COL4A5: variants seen among roughly 807,000 people sequenced by gnomAD.
COL4A5 encodes the protein collagen type IV alpha 5 chain, also known as collagen alpha-5(IV) chain.
Under a neutral mutation model 130.2 loss-of-function variants are expected in COL4A5, and 26 were observed. The ratio of observed to expected loss-of-function variants is 0.20; its 90% CI spans 0.15 to 0.28. COL4A5 has a LOEUF of 0.28. COL4A5 is among the 10% of genes least tolerant of loss of function. The pLI, the probability that COL4A5 is intolerant of heterozygous loss-of-function variation, is 1.00. For synonymous variants in COL4A5, 496 were observed against 439.6 expected (o/e 1.13, Z -1.60); for missense variants, 1,131 against 1,344.3 (o/e 0.84, Z 2.48).
At chrX:108,573,714 T>C (rs2147759695) in intron 9 of COL4A5, 60 bp downstream of exon 9, 1 of 774,064 alleles carries the variant, frequency 1.3e-6, no homozygotes, top group East Asian at 3.2e-5. Flanking sequence ...ATTACAACAA[T>C]CCCTCAACCT....
intron 16 of COL4A5, among the ~76,000 whole-genome samples, chrX:108,581,993 C>T (rs1425035051): frequency 9.1e-6 from 1 of 110,474 alleles, no homozygotes; most frequent in Non-Finnish European, 1.9e-5. Context: ...TTATTTCAAG[C>T]AGCTTCAGTA....
chrX:108,585,180 T>G (rs2147785725), intron 18 of COL4A5, among the ~76,000 whole-genome samples: 1 of 112,108 alleles, frequency 8.9e-6, no homozygotes, highest in African/African-American at 3.2e-5. Flanking sequence ...TTGGTTTTTC[T>G]TTGGTTGAAA....
In COL4A5 at chrX:108,440,445, TC is replaced by T; in HGVS notation, c.81+241del. ...TGCTTGCTTCCCTGCAGCTAGCTCCTCCGGGGGCAAGAGCAAAGTCAGAAGT... is the reference window on the plus strand; with the variant it reads ...TGCTTGCTTCCCTGCAGCTAGCTCCTCGGGGGCAAGAGCAAAGTCAGAAGT... On this transcript the variant is annotated intron_variant, in intron 1 of 52. Transcript: ENST00000328300. 8 of 395,458 alleles carry T rather than the reference TC, an allele frequency of 2.0e-5. No homozygotes were observed. The South Asian group carries it at 2.9e-4, about 14-fold the overall frequency. The allele number at this position is 395,458 out of a possible 1,213,427, so 32.6% of individuals were successfully genotyped here.
chrX:108,506,083 T>C (rs2065120728), intron 1 of COL4A5, among the ~76,000 whole-genome samples: 1 of 112,170 alleles, frequency 8.9e-6, no homozygotes, highest in South Asian at 3.7e-4. Context: ...AGTTGACTAA[T>C]GGGAGTGTCC....
chrX:108,457,858 C>T (rs143228664), intron 1 of COL4A5, among the ~76,000 whole-genome samples: 3,401 of 111,608 alleles, frequency 0.03, 120 homozygotes, highest in African/African-American at 0.11. Context: ...TAGCTTTTTC[C>T]TCTTAGCATA....
intron 28 of COL4A5, among the ~76,000 whole-genome samples, chrX:108,604,467 C>A (rs1229046198): frequency 8.9e-6 from 1 of 111,738 alleles, no homozygotes; most frequent in African/African-American, 3.3e-5. Flanking sequence ...CAACAGTGGG[C>A]TTAAAATAGC....
intron 1 of COL4A5, among the ~76,000 whole-genome samples, chrX:108,533,757 G>A (rs1007357793): frequency 2.7e-5 from 3 of 110,907 alleles, no homozygotes; most frequent in African/African-American, 9.8e-5. Context: ...CTTGTTGAAT[G>A]GGAGACAATT....
intron 36 of COL4A5, among the ~76,000 whole-genome samples, chrX:108,648,138 A>C (rs756146107): frequency 2.2e-4 from 25 of 111,382 alleles, no homozygotes; most frequent in Non-Finnish European, 4.5e-4. Context: ...ATTGATTGGA[A>C]TAATTTCAGA....
intron 47 of COL4A5, among the ~76,000 whole-genome samples, chrX:108,685,171 G>A (rs1443763342): frequency 8.9e-6 from 1 of 112,068 alleles, no homozygotes; most frequent in African/African-American, 3.2e-5. Context: ...AAAGCTGGAA[G>A]CATTCCCTTT....
chrX:108,652,788 G>C (rs754881821), intron 36 of COL4A5, among the ~76,000 whole-genome samples: 1 of 112,274 alleles, frequency 8.9e-6, no homozygotes. Flanking sequence ...CTTGAAAGCA[G>C]TTCTAATTTC....
At position 108,526,862 on chromosome X, in the gene COL4A5, G is replaced by A. The variant is rs777885173; in HGVS notation, c.82-12884G>A. Among the ~76,000 whole-genome samples the A allele has an allele frequency of 9.6e-5, 10 of 104,388 alleles. No individual in the cohort carries two copies. The South Asian group carries it at 4.5e-3, about 47-fold the overall frequency. The allele number at this position is 104,388 out of a possible 115,157, so 90.6% of individuals were successfully genotyped here. A position where few individuals can be genotyped will look rare whatever the true frequency, so the allele number is the denominator to read the frequency against. ...GGCTCACTGCAGCCTTAATCTCATA[G>A]GCTCAAGTGATCCTCCCTCCTCAGT... On this transcript the variant is annotated intron_variant, in intron 1 of 52. Coordinates refer to ENST00000328300, the MANE Select transcript of COL4A5 (RefSeq NM_033380.3).
intron 1 of COL4A5, among the ~76,000 whole-genome samples, chrX:108,506,183 A>G (rs748326314): frequency 1.7e-4 from 19 of 111,453 alleles, no homozygotes; most frequent in Non-Finnish European, 3.0e-4. Flanking sequence ...GGTTCATTTT[A>G]TACATTCCTT....
At chrX:108,446,686 G>T (rs1014980856) in intron 1 of COL4A5, among the ~76,000 whole-genome samples, 1 of 111,871 alleles carries the variant, frequency 8.9e-6, no homozygotes, top group African/African-American at 3.2e-5. Context: ...ATTGGGCCAA[G>T]ATTTAAACCA....
rs1411592943 is a variant in COL4A5 at position 108,614,923 on chromosome X, C to T, written c.2408C>T (p.Pro803Leu). ...TTATTTCTTAAAGGTGATGTTGGAC[C>T]AAATGGACAACCTGGACCAATGGGA... ...GLPGPKGDVG[P>L]NGQPGPMGPP... is the part of the protein sequence containing the mutation. The change falls in exon 30 of 53, where the codon CCA (proline) becomes CTA (leucine). Residue 803 changes from proline (P) to leucine (L), a missense_variant. Transcript: ENST00000328300. 8.3e-7 allele frequency: 1 copy of T among 1,206,471 alleles called. No homozygotes were observed. The highest frequency in any genetic ancestry group is 1.1e-6 in the Non-Finnish European group (1 of 891,148).
chrX:108,634,085 C>T (rs73528371), intron 36 of COL4A5, among the ~76,000 whole-genome samples: 11,563 of 110,599 alleles, frequency 0.1, 1,302 homozygotes, highest in African/African-American at 0.34. Flanking sequence ...TGCATCTGTT[C>T]AGTTCCTGCA....
intron 49 of COL4A5, chrX:108,689,230 TAATTA>T: frequency 1.4e-5 from 4 of 284,110 alleles, no homozygotes; most frequent in Non-Finnish European, 1.9e-5. Flanking sequence ...AATATCTAAA[TAATTA>T]ATTTAATTTA....
rs189842655 is a variant in COL4A5 at position 108,514,331 on chromosome X, A to T, written c.82-25415A>T. On this transcript the variant is annotated intron_variant, in intron 1 of 52. Coordinates refer to ENST00000328300, the MANE Select transcript of COL4A5 (RefSeq NM_033380.3). ...GTCATTTTAAAGTCAGTTTAAAGTC[A>T]TTACCATTTCCTGGGAAAATTGCTC... Among the ~76,000 whole-genome samples, 249 of 112,390 alleles carry T rather than the reference A, an allele frequency of 2.2e-3. 1 individual carries two copies. The highest frequency in any genetic ancestry group is 0.015 in the South Asian group (40 of 2,736).
At chrX:108,513,069 A>G (rs1431713716) in intron 1 of COL4A5, among the ~76,000 whole-genome samples, 1 of 111,970 alleles carries the variant, frequency 8.9e-6, no homozygotes, top group African/African-American at 3.3e-5. Flanking sequence ...ATTGTGAATA[A>G]AGGTGCAGTG....
rs2066272330 is a variant in COL4A5, at chrX:108,582,814, A to G, written c.937-70A>G. ...CAGTATTCTCATTGCTTCTATGGAG[A>G]AGACAATCTTTGGAGATTTCCTAAC... On this transcript the variant is annotated intron_variant, in intron 16 of 52. Coordinates refer to ENST00000328300, the MANE Select transcript of COL4A5 (RefSeq NM_033380.3). The G allele has an allele frequency of 3.2e-5, 28 of 887,925 alleles. No homozygotes were observed. In the South Asian group the frequency reaches 4.6e-4, roughly 15 times the overall value. 73.2% of individuals were successfully genotyped at this position (887,925 alleles called of 1,213,427 possible).
Sources: allele counts gnomAD v4.1 joint callset (sites outside exome capture counted in the v4.1 genomes callset), GRCh38; gene constraint gnomAD v4.1.1; transcripts MANE v1.5; gene names NCBI Gene and HGNC (gene_info 2026-07-23, HGNC 2026-07-21).